Variants in FGF13 observed in about 807,000 individuals in gnomAD.
FGF13 encodes fibroblast growth factor homologous factor 2.
In FGF13, 2 loss-of-function variants were observed where a neutral mutation model predicts 19.5. The ratio of observed to expected loss-of-function variants is 0.10; its 90% CI spans 0.04 to 0.32. The LOEUF is 0.32. Ranked by LOEUF, FGF13 falls within the 10% of genes least tolerant of loss-of-function variation. The pLI is 1.00. For missense variants in FGF13, 113 were observed against 192.7 expected (o/e 0.59, Z 2.45); for synonymous variants, 72 against 76.9 (o/e 0.94, Z 0.33).
chrX:138,626,642 C>CTT lies in FGF13; in HGVS notation c.*6206_*6207dup, dbSNP rs2089065896. ...TAGCCTTGCAGGTGACTCCAAGGAA[C>CTT]TTTGAAGCTCTCTTTACCAAAACTT... On this transcript the variant is annotated 3_prime_UTR_variant, in exon 5 of 5. Transcript: ENST00000315930. 9.0e-6 allele frequency: 1 copy of CTT among 111,310 alleles called. No homozygotes were observed. Among genetic ancestry groups the CTT allele is most frequent in the Admixed American group, 9.6e-5 (1 of 10,433 alleles). 9.2% of individuals were successfully genotyped at this position (111,310 alleles called of 1,213,427 possible).
At chrX:138,913,194 T>TTC (rs2091597930) in intron 1 of FGF13, among the ~76,000 whole-genome samples, 1 of 84,413 alleles carries the variant, frequency 1.2e-5, no homozygotes, top group Non-Finnish European at 2.3e-5. Context: ...TTTTTTTTTT[T>TTC]TTTTTTTTTT....
At chrX:138,698,665 A>G (rs1489946361) in intron 3 of FGF13, among the ~76,000 whole-genome samples, 1 of 111,622 alleles carries the variant, frequency 9.0e-6, no homozygotes, top group East Asian at 2.8e-4. Flanking sequence ...ACCCTTGGAT[A>G]TTGATATAAT....
intron 3 of FGF13, among the ~76,000 whole-genome samples, chrX:138,804,689 C>T (rs138056956): frequency 2.3e-3 from 261 of 111,950 alleles, no homozygotes; most frequent in African/African-American, 7.0e-3. Flanking sequence ...TAAGTACACA[C>T]GTCCTATTTT....
At chrX:139,014,565 A>G (rs2092144891) in intron 1 of FGF13, among the ~76,000 whole-genome samples, 2 of 111,583 alleles carry the variant, frequency 1.8e-5, no homozygotes, top group South Asian at 7.5e-4. Flanking sequence ...TTGTACAGAC[A>G]AATAACAGGT....
At chrX:138,953,075 G>A (rs781006656) in intron 1 of FGF13, among the ~76,000 whole-genome samples, 2 of 111,416 alleles carry the variant, frequency 1.8e-5, no homozygotes, top group South Asian at 3.8e-4. Context: ...ATCCCATTAC[G>A]GGGTATATAC....
intron 1 of FGF13, among the ~76,000 whole-genome samples, chrX:138,997,234 G>A (rs753597467): frequency 1.7e-4 from 19 of 112,196 alleles, no homozygotes; most frequent in African/African-American, 3.9e-4. Context: ...AGGAACCAGC[G>A]CAGAAAGGCT....
chrX:139,171,533 G>A (rs1328796565), intron 1 of FGF13, among the ~76,000 whole-genome samples: 1 of 111,801 alleles, frequency 8.9e-6, no homozygotes, highest in Non-Finnish European at 1.9e-5. Flanking sequence ...GATGTGAACA[G>A]ATCCTATGCC....
At chrX:139,107,828 A>C (rs940384591) in intron 1 of FGF13, among the ~76,000 whole-genome samples, 6 of 110,727 alleles carry the variant, frequency 5.4e-5, no homozygotes, top group Non-Finnish European at 7.6e-5. Flanking sequence ...GTTTTATTGG[A>C]TATCTAGGAT....
intron 3 of FGF13, among the ~76,000 whole-genome samples, chrX:138,653,086 T>G (rs1264431234): frequency 8.9e-6 from 1 of 111,905 alleles, no homozygotes; most frequent in East Asian, 2.8e-4. Flanking sequence ...ATCTCTGATG[T>G]TTCATGGGGG....
chrX:138,671,212 T>C (rs746255496), intron 3 of FGF13, among the ~76,000 whole-genome samples: 3 of 111,635 alleles, frequency 2.7e-5, no homozygotes, highest in Admixed American at 9.5e-5. Flanking sequence ...AGTTGGACTA[T>C]AGGAGTTCAA....
intron 1 of FGF13, among the ~76,000 whole-genome samples, chrX:138,732,130 T>A (rs2090236656): frequency 9.0e-6 from 1 of 111,506 alleles, no homozygotes; most frequent in Non-Finnish European, 1.9e-5. Flanking sequence ...CTCTCATACA[T>A]CACTTGTGGG....
intron 3 of FGF13, among the ~76,000 whole-genome samples, chrX:138,796,867 T>C (rs1455971458): frequency 6.2e-5 from 7 of 112,151 alleles, no homozygotes; most frequent in African/African-American, 2.3e-4. Context: ...CTTTTGAGAA[T>C]TGTCTGTTCA....
intron 1 of FGF13, among the ~76,000 whole-genome samples, chrX:138,923,734 G>A (rs2091658355): frequency 8.9e-6 from 1 of 111,981 alleles, no homozygotes; most frequent in African/African-American, 3.2e-5. Flanking sequence ...CTTCTGTGGA[G>A]TTCTTAAACC....
At chrX:138,951,435 T>C (rs2091811016) in intron 1 of FGF13, among the ~76,000 whole-genome samples, 1 of 111,942 alleles carries the variant, frequency 8.9e-6, no homozygotes, top group Non-Finnish European at 1.9e-5. Flanking sequence ...TGAAATATTC[T>C]GTACATCAAA....
chrX:138,861,702 TCTAAAGTAAGA>T (rs1164077194), intron 2 of FGF13, among the ~76,000 whole-genome samples: 1 of 112,348 alleles, frequency 8.9e-6, no homozygotes, highest in Non-Finnish European at 1.9e-5. Context: ...TGTCAACAAG[TCTAAAGTAAGA>T]CAGCTTTTGT....
At chrX:138,777,601 G>A (rs1340170047) in intron 3 of FGF13, among the ~76,000 whole-genome samples, 2 of 111,656 alleles carry the variant, frequency 1.8e-5, no homozygotes, top group Non-Finnish European at 3.8e-5. Flanking sequence ...TATTTCTGTG[G>A]GCCTGGGAAA....
rs990977802 is a variant in FGF13, at chrX:138,619,710, GA to G, written c.*13139del. The stretch of plus-strand genomic sequence containing the variant: ...ACATTCATGAGGCCAACGAACATAT[GA>G]AAAAAGTTCAACATCACTGATCATT... On this transcript the variant is annotated 3_prime_UTR_variant, in exon 5 of 5. Coordinates refer to ENST00000315930, the MANE Select transcript of FGF13 (RefSeq NM_004114.5). 1 of 111,408 alleles carries G rather than the reference GA, an allele frequency of 9.0e-6. No individual in the cohort carries two copies. Among genetic ancestry groups the G allele is most frequent in the African/African-American group, 3.3e-5 (1 of 30,667 alleles). The allele number at this position is 111,408 out of a possible 1,213,427, so 9.2% of individuals were successfully genotyped here.
chrX:138,749,943 G>C (rs1264278839), intron 3 of FGF13, among the ~76,000 whole-genome samples: 1 of 112,070 alleles, frequency 8.9e-6, no homozygotes, highest in East Asian at 2.8e-4. Flanking sequence ...GCAGCATGAA[G>C]ACTAGTATGG....
intron 1 of FGF13, among the ~76,000 whole-genome samples, chrX:138,919,367 G>A (rs895379756): frequency 5.4e-5 from 6 of 111,904 alleles, no homozygotes; most frequent in Non-Finnish European, 1.1e-4. Context: ...TCTCGAAAGT[G>A]TAAATTAATA....
Sources: allele counts gnomAD v4.1 joint callset (sites outside exome capture counted in the v4.1 genomes callset), GRCh38; gene constraint gnomAD v4.1.1; transcripts MANE v1.5; gene names NCBI Gene and HGNC (gene_info 2026-07-23, HGNC 2026-07-21).